Variants in PSG5 observed in about 807,000 individuals in gnomAD.
PSG5 encodes pregnancy-specific beta-1-glycoprotein 5.
A neutral mutation model predicts 37.7 loss-of-function variants in PSG5; 53 were observed. The ratio of observed to expected loss-of-function variants is 1.41; its 90% CI spans 1.13 to 1.77. PSG5 has a LOEUF of 1.77. Ranked by LOEUF, PSG5 falls within the 40% of genes most tolerant of loss-of-function variation. The probability of loss-of-function intolerance (pLI) is 0.00; values close to 1 mark genes in which losing one functional copy is unlikely to be tolerated. For missense variants in PSG5, 547 were observed against 405.2 expected, an observed-to-expected ratio of 1.35 and a Z score of -3.00; for synonymous variants, 221 against 155.4, an observed-to-expected ratio of 1.42 and a Z score of -3.14.
chr19:43,179,352 G>T (rs564861843), intron 2 of PSG5, among the ~76,000 whole-genome samples: 2 of 151,532 alleles, frequency 1.3e-5, no homozygotes, highest in Admixed American at 6.6e-5. Flanking sequence ...TGCTTTATGT[G>T]GGAGAAGTAC....
chr19:43,175,886 G>T lies in PSG5; in HGVS notation c.693C>A (p.Val231=), dbSNP rs748155950. The T allele has an allele frequency of 3.3e-5, 54 of 1,612,386 alleles. No homozygotes were observed. In the African/African-American group the frequency reaches 6.8e-4, roughly 20 times the overall value. The change falls in exon 3 of 6, where the codon GTC becomes GTA. Residue 231 remains valine, a synonymous_variant. Coordinates refer to ENST00000342951, the MANE Select transcript of PSG5 (RefSeq NM_002781.4). ...DRDGGMRSDP[V]TLNVLYGPDL... is the part of the protein sequence containing the mutation. ...GATACTCACAGAGGACATTCAGGGT[G>T]ACTGGGTCACTGCGCATGCCACCAT...
Position 43,176,021 on chromosome 19 carries a change from G to C in PSG5, c.558C>G (p.Ser186Arg), listed in dbSNP as rs1476502082. The C allele has an allele frequency of 2.5e-6, 4 of 1,611,034 alleles. No individual in the cohort carries two copies. Among genetic ancestry groups the C allele is most frequent in the Non-Finnish European group, 3.4e-6 (4 of 1,179,204 alleles). ...GCTTTACCCTGGGACTGACCGGGAG[G>C]CTCTGACCATTTAGCCACCAAATGT... ...YTYIWWLNGQ[S>R]LPVSPRVKRP... The change falls in exon 3 of 6, where the codon AGC (serine) becomes AGG (arginine). Residue 186 changes from serine to arginine, a missense_variant. Coordinates refer to ENST00000342951, the MANE Select transcript of PSG5 (RefSeq NM_002781.4).
chr19:43,179,289 T>A, intron 2 of PSG5: 3 of 1,280,274 alleles, frequency 2.3e-6, no homozygotes, highest in Non-Finnish European at 3.2e-6. Context: ...CAGGTGTGTG[T>A]GTTACAAGAC....
chr19:43,184,939 A>G lies in PSG5; in HGVS notation c.273T>C (p.Tyr91=), dbSNP rs748456309. 3.2e-5 allele frequency: 51 copies of G among 1,612,472 alleles called. No homozygotes were observed. The South Asian group carries it at 4.7e-4, about 15-fold the overall frequency. ...SYVVDGQINI[Y]GPAYTGRETV... ...TTTCTCGTCCAGTGTATGCAGGCCC[A>G]TATATATTTATTTGACCGTCTACTA... is the stretch of plus-strand genomic sequence containing the variant. The change falls in exon 2 of 6, where the codon TAT becomes TAC. Residue 91 remains tyrosine, a synonymous_variant. Transcript: ENST00000342951.
At chr19:43,186,036 G>C (rs1966931453) in intron 1 of PSG5, among the ~76,000 whole-genome samples, 1 of 150,936 alleles carries the variant, frequency 6.6e-6, no homozygotes, top group African/African-American at 2.5e-5. Flanking sequence ...GCGTGCAGTG[G>C]TGCTATCTCG....
At position 43,170,297 on chromosome 19, in the gene PSG5, A is replaced by G. The variant is rs138202893; in HGVS notation, c.965-159T>C. The G allele has an allele frequency of 3.7e-4, 296 of 792,232 alleles. 5 individuals carry two copies. In the Middle Eastern group the frequency reaches 7.2e-3, roughly 19 times the overall value. 49.1% of individuals were successfully genotyped at this position (792,232 alleles called of 1,614,324 possible). On this transcript the variant is annotated intron_variant, in intron 4 of 5. Transcript: ENST00000342951. ...TGATGGGAGATGATTATATTCTTGC[A>G]GTTTTTTTTTTCCCTCTCACCATGT...
chr19:43,180,302 C>G (rs1969101114), intron 2 of PSG5: 1 of 151,534 alleles, frequency 6.6e-6, no homozygotes, highest in South Asian at 2.1e-4. Context: ...ATACTTCATG[C>G]AGATACAGTG....
intron 2 of PSG5, chr19:43,179,001 G>A (rs1969070610): frequency 6.2e-7 from 1 of 1,612,646 alleles, no homozygotes. Context: ...GTTGGTTTTG[G>A]ACAGCTGCAA....
At chr19:43,169,681 G>A (rs4028466) in intron 5 of PSG5, among the ~76,000 whole-genome samples, 13 of 151,774 alleles carry the variant, frequency 8.6e-5, no homozygotes, top group East Asian at 7.7e-4. Flanking sequence ...TGCAAGGAAG[G>A]TTTCAAAGTC....
intron 2 of PSG5, chr19:43,179,281 GGT>G (rs1264107083): frequency 3.8e-6 from 5 of 1,303,152 alleles, no homozygotes; most frequent in East Asian, 2.3e-5. Context: ...GCCCATGGCA[GGT>G]GTGTGTGTTA....
At chr19:43,181,561 G>T (rs568968639) in intron 2 of PSG5, among the ~76,000 whole-genome samples, 11 of 151,660 alleles carry the variant, frequency 7.3e-5, no homozygotes, top group African/African-American at 2.7e-4. Flanking sequence ...TGGGCTCACG[G>T]CATTCTCCTG....
At chr19:43,186,265 C>T in intron 1 of PSG5, 77 bp downstream of exon 1, 1 of 1,602,166 alleles carries the variant, frequency 6.2e-7, no homozygotes, top group Admixed American at 1.7e-5. Context: ...TTTTTTAGAA[C>T]CCCATCCTCT....
At chr19:43,172,808 A>G (rs1386723572) in intron 4 of PSG5, among the ~76,000 whole-genome samples, 4 of 151,752 alleles carry the variant, frequency 2.6e-5, no homozygotes, top group Admixed American at 2.6e-4. Flanking sequence ...AGTGCTGCCC[A>G]AAGTGAGCTG....
intron 2 of PSG5, 94 bp downstream of exon 2, chr19:43,184,688 G>A: frequency 6.3e-7 from 1 of 1,587,654 alleles, no homozygotes; most frequent in Non-Finnish European, 8.6e-7. Context: ...TGCAGAGAGG[G>A]ACACAGGCAC....
rs141336497 is a variant in PSG5 at position 43,185,128 on chromosome 19, C to T, written c.84G>A (p.Trp28Ter). Residue 28 changes from tryptophan (W) to a stop codon, truncating the protein, a stop_gained, in exon 2 of 6, where the codon TGG becomes TGA. Transcript: ENST00000342951. LOFTEE classifies it high-confidence loss of function. ...TGACTTGAGCAGTGATAGGCAGGTT[C>T]CAGAAGTTTAAAAGTGATGCTAGGA... Reference protein sequence around the residue: ...LLLTASLLNFWNLPITAQVTI... With the variant: ...LLLTASLLNF 2.2e-4 allele frequency: 358 copies of T among 1,607,194 alleles called. 13 individuals are homozygous for T. The African/African-American group carries it at 4.2e-3, about 19-fold the overall frequency.
chr19:43,170,096 T>A lies in PSG5; in HGVS notation c.1007A>T (p.Ter336LeuextTer3), dbSNP rs747922898. The A allele has an allele frequency of 1.3e-6, 2 of 1,583,724 alleles. No individual in the cohort carries two copies. Among genetic ancestry groups the A allele is most frequent in the South Asian group, 2.2e-5 (2 of 90,738 alleles). Residue 336 changes from the stop codon to leucine, a stop_lost, in exon 5 of 6, where the codon TAG becomes TTG. Transcript: ENST00000342951. The stretch of plus-strand genomic sequence containing the variant: ...AATACAGAAATGACTTCACGGCTGC[T>A]ATATTGGATTAAGGAGAGGAAGACG... ...IGRLPLLNPI[*>L]
At chr19:43,184,048 T>A (rs1969189809) in intron 2 of PSG5, among the ~76,000 whole-genome samples, 2 of 151,778 alleles carry the variant, frequency 1.3e-5, no homozygotes. Context: ...GTCAGATCCC[T>A]GTGGACAAGC....
intron 2 of PSG5, chr19:43,179,016 T>G: frequency 6.2e-7 from 1 of 1,612,792 alleles, no homozygotes; most frequent in Non-Finnish European, 8.5e-7. Flanking sequence ...CTGCAACCTG[T>G]GAGTCATAGG....
chr19:43,179,249 C>T, intron 2 of PSG5: 3 of 1,378,150 alleles, frequency 2.2e-6, no homozygotes, highest in Non-Finnish European at 1.0e-6. Flanking sequence ...TCCCACCTGT[C>T]AGCCCACCCA....
Sources: gnomAD v4.1 joint callset for allele counts (sites outside exome capture counted in the v4.1 genomes callset) on GRCh38, gnomAD v4.1.1 for gene constraint, MANE v1.5 for transcripts, NCBI Gene and HGNC (gene_info 2026-07-23, HGNC 2026-07-21) for gene names.